The following SPAG16 variants were observed in gnomAD, a reference collection of about 807,000 sequenced individuals.
The protein encoded by SPAG16 is sperm-associated antigen 16 protein.
A neutral mutation model predicts 80.4 loss-of-function variants in SPAG16; 86 were observed. The observed-to-expected ratio is 1.07, with a 90% confidence interval of 0.90 to 1.28. The LOEUF is 1.28. Among genes scored for constraint, SPAG16 ranks in the 50% most tolerant of loss-of-function variants. The pLI is 0.00. For missense variants in SPAG16, 870 were observed against 765.3 expected (o/e 1.14, Z -1.61); for synonymous variants, 294 against 265.9 (o/e 1.11, Z -1.03).
chr2:213,418,312 C>G (rs1272726809), intron 9 of SPAG16, among the ~76,000 whole-genome samples: 1 of 152,162 alleles, frequency 6.6e-6, no homozygotes, highest in Non-Finnish European at 1.5e-5. Context: ...CAAACATACA[C>G]ACATTACTAT....
chr2:214,329,852 T>C (rs1397917765), intron 15 of SPAG16, among the ~76,000 whole-genome samples: 2 of 152,124 alleles, frequency 1.3e-5, no homozygotes, highest in Non-Finnish European at 2.9e-5. Flanking sequence ...TTAGCAAAGG[T>C]GTCAACTTTG....
At chr2:213,820,659 C>A (rs1017721719) in intron 10 of SPAG16, among the ~76,000 whole-genome samples, 2 of 152,010 alleles carry the variant, frequency 1.3e-5, no homozygotes, top group African/African-American at 4.8e-5. Context: ...ATAAAGACTT[C>A]TAAATAAATT....
At chr2:213,998,297 G>C (rs543740723) in intron 12 of SPAG16, among the ~76,000 whole-genome samples, 2 of 152,284 alleles carry the variant, frequency 1.3e-5, no homozygotes, top group Admixed American at 1.3e-4. Flanking sequence ...TGTTCTGGGA[G>C]GACCAGGTGG....
At chr2:213,364,783 A>G (rs1424569418) in intron 8 of SPAG16, 1 of 152,198 alleles carries the variant, frequency 6.6e-6, no homozygotes, top group Non-Finnish European at 1.5e-5. Flanking sequence ...TACAAGAGAG[A>G]TACAATTATA....
At chr2:214,028,803 G>A (rs1051750186) in intron 13 of SPAG16, among the ~76,000 whole-genome samples, 1 of 152,048 alleles carries the variant, frequency 6.6e-6, no homozygotes, top group African/African-American at 2.4e-5. Context: ...GTGCACGCAT[G>A]TGTATGTGTT....
chr2:214,316,379 T>C (rs16851747), intron 15 of SPAG16, among the ~76,000 whole-genome samples: 21,654 of 152,132 alleles, frequency 0.14, 1,641 homozygotes, highest in East Asian at 0.21. Context: ...AACAAGAGAC[T>C]TTCTTAGCCT....
chr2:213,346,529 A>G (rs893218887), intron 6 of SPAG16, among the ~76,000 whole-genome samples: 1 of 152,272 alleles, frequency 6.6e-6, no homozygotes, highest in East Asian at 1.9e-4. Flanking sequence ...TGTCATAGAT[A>G]GCTCTTATTA....
chr2:214,033,065 G>A (rs375574618), intron 13 of SPAG16, among the ~76,000 whole-genome samples: 42 of 152,218 alleles, frequency 2.8e-4, no homozygotes, highest in African/African-American at 8.9e-4. Context: ...AATGTTTATC[G>A]TTTTCCTGCA....
At chr2:213,835,372 A>C (rs1325864845) in intron 10 of SPAG16, among the ~76,000 whole-genome samples, 2 of 152,194 alleles carry the variant, frequency 1.3e-5, no homozygotes, top group African/African-American at 4.8e-5. Context: ...TAAATGTTAA[A>C]TCACAATCCC....
chr2:214,152,072 G>T (rs1372663148), intron 15 of SPAG16, among the ~76,000 whole-genome samples: 1 of 152,074 alleles, frequency 6.6e-6, no homozygotes, highest in Non-Finnish European at 1.5e-5. Context: ...TCTTATCACT[G>T]CAAATCCAAC....
chr2:213,574,537 A>G (rs1198689637), intron 10 of SPAG16, among the ~76,000 whole-genome samples: 2 of 151,980 alleles, frequency 1.3e-5, no homozygotes, highest in Non-Finnish European at 1.5e-5. Context: ...TCTGTTACAC[A>G]TGAACATGTT....
Position 213,862,497 on chromosome 2 carries a change from A to C in SPAG16, c.1083A>C (p.Gln361His), listed in dbSNP as rs2042791. 610,466 of 1,613,432 alleles carry C rather than the reference A, an allele frequency of 0.38. 117,934 individuals carry two copies. Among genetic ancestry groups the C allele is most frequent in the East Asian group, 0.48 (21,704 of 44,856 alleles). Residue 361 changes from glutamine to histidine, a missense_variant, in exon 11 of 16, where the codon CAA becomes CAC. Transcript: ENST00000331683. ...TCTCCTCGCGCAGTGTCTCCATGCA[A>C]CCCCACAAAGACATCCTAGTCTCCT... The part of the protein sequence containing the change: ...HELPVSCVSM[Q>H]PHKDILVSCG...
intron 9 of SPAG16, among the ~76,000 whole-genome samples, chr2:213,466,109 T>TTGGACTCCAAGTTCTTCAACTC (rs2072677646): frequency 6.6e-6 from 1 of 152,156 alleles, no homozygotes; most frequent in African/African-American, 2.4e-5. Context: ...CCCTTGAACA[T>TTGGACTCCAAGTTCTTCAACTC]TGGACTCCAA....
chr2:213,955,137 A>T (rs1379149963), intron 12 of SPAG16, among the ~76,000 whole-genome samples: 1 of 152,116 alleles, frequency 6.6e-6, no homozygotes, highest in East Asian at 1.9e-4. Context: ...TTTGCAGCAC[A>T]AATGCCTTTA....
intron 15 of SPAG16, among the ~76,000 whole-genome samples, chr2:214,277,756 C>T (rs1371530064): frequency 6.6e-6 from 1 of 152,238 alleles, no homozygotes; most frequent in Non-Finnish European, 1.5e-5. Context: ...TTAGGCTACA[C>T]AGGGGTCAGG....
chr2:214,041,978 G>GTGTATATATATATATATATAATGTGTA, intron 13 of SPAG16, among the ~76,000 whole-genome samples: 1 of 116,366 alleles, frequency 8.6e-6, no homozygotes, highest in South Asian at 3.1e-4. Flanking sequence ...GTCTGTGTGT[G>GTGTATATATATATATATATAATGTGTA]TATATATATA....
intron 10 of SPAG16, among the ~76,000 whole-genome samples, chr2:213,698,569 T>A (rs916870720): frequency 3.3e-5 from 5 of 152,262 alleles, no homozygotes; most frequent in Non-Finnish European, 5.9e-5. Flanking sequence ...GCTTTATTAG[T>A]GTTGTTAACA....
chr2:213,637,703 C>T (rs1049255627), intron 10 of SPAG16, among the ~76,000 whole-genome samples: 6 of 152,066 alleles, frequency 3.9e-5, no homozygotes, highest in Non-Finnish European at 7.4e-5. Context: ...TATCCATCTT[C>T]TCTGGGTTTT....
At chr2:214,178,318 T>C (rs1474334866) in intron 15 of SPAG16, among the ~76,000 whole-genome samples, 1 of 151,066 alleles carries the variant, frequency 6.6e-6, no homozygotes, top group Non-Finnish European at 1.5e-5. Context: ...TAATGGTTGC[T>C]ATATTATGTA....
Sources: gnomAD v4.1 joint callset for allele counts (sites outside exome capture counted in the v4.1 genomes callset) on GRCh38, gnomAD v4.1.1 for gene constraint, MANE v1.5 for transcripts, NCBI Gene and HGNC (gene_info 2026-07-23, HGNC 2026-07-21) for gene names.